Variants in CIT observed in about 807,000 individuals in gnomAD.
CIT encodes citron Rho-interacting kinase.
Under a neutral mutation model 272.7 loss-of-function variants are expected in CIT, and 79 were observed. The observed-to-expected ratio is 0.29, with a 90% CI of 0.24 to 0.35. CIT has a LOEUF of 0.35. Ranked by LOEUF, CIT falls within the 10% of genes least tolerant of loss-of-function variation. The pLI, the probability that CIT is intolerant of heterozygous loss-of-function variation, is 1.00. For synonymous variants in CIT, 948 were observed against 995.6 expected, an observed-to-expected ratio of 0.95 and a Z score of 0.90; for missense variants, 1,909 against 2,618.3, an observed-to-expected ratio of 0.73 and a Z score of 5.91.
At chr12:119,811,943 ATTTT>A (rs35887106) in intron 9 of CIT, among the ~76,000 whole-genome samples, 2,295 of 129,794 alleles carry the variant, frequency 0.018, 63 homozygotes, top group African/African-American at 0.062. Context: ...TTCCCCAGGA[ATTTT>A]TTTTTTTTTT....
chr12:119,799,293 T>A (rs937068354), intron 10 of CIT, among the ~76,000 whole-genome samples: 2 of 152,238 alleles, frequency 1.3e-5, no homozygotes, highest in Non-Finnish European at 2.9e-5. Context: ...GGCTTTTCCA[T>A]GTGCCAGGTA....
At position 119,869,069 on chromosome 12, in the gene CIT, C is replaced by A. The variant is rs1182491419; in HGVS notation, c.229G>T (p.Val77Phe). Reference sequence around the variant, plus strand: ...AGTTCCCCAAACTTACACTTCCGGACAAAGTTGCTCACGTGCTTAATCTTC... The same window carrying A: ...AGTTCCCCAAACTTACACTTCCGGAAAAAGTTGCTCACGTGCTTAATCTTC... ...LMKIKHVSNF[V>F]RKYSDTIAEL... is the part of the protein sequence containing the mutation. Residue 77 changes from valine (V) to phenylalanine (F), a missense_variant, in exon 3 of 48, where the codon GTC becomes TTC. By Grantham distance (50) the Val-to-Phe change is conservative. This residue lies in a region of CIT where 529 missense variants were observed against 549.6 expected (regional missense o/e 0.96). Transcript: ENST00000392521. 4 of 1,610,216 alleles carry A rather than the reference C, an allele frequency of 2.5e-6. No homozygotes were observed. Among genetic ancestry groups the A allele is most frequent in the Admixed American group, 1.7e-5 (1 of 58,294 alleles).
In CIT at chr12:119,857,598, C is replaced by A; in HGVS notation, c.339G>T (p.Val113=). ...TGTCCCCGGTTGCTTTCTCTCTTAC[C>A]ACCTGCACTTCAGCAAAGTGACCAC... The part of the protein sequence containing the change: ...VGCGHFAEVQ[V]VREKATGDIY... The change falls in exon 4 of 48, where the codon GTG becomes GTT. Residue 113 remains valine, a synonymous_variant. Transcript: ENST00000392521. The A allele has an allele frequency of 6.2e-7, 1 of 1,614,182 alleles. No individual in the cohort carries two copies. Among genetic ancestry groups the A allele is most frequent in the African/African-American group, 1.3e-5 (1 of 75,056 alleles).
intron 9 of CIT, among the ~76,000 whole-genome samples, chr12:119,818,588 G>A (rs974150797): frequency 6.6e-6 from 1 of 152,208 alleles, no homozygotes; most frequent in African/African-American, 2.4e-5. Context: ...GTCACTGCCG[G>A]ATGGAAACAA....
rs1414412064 is a variant in CIT at position 119,697,333 on chromosome 12, C to T, written c.5882+326G>A. Among the ~76,000 whole-genome samples, 1 of 152,210 alleles carries T rather than the reference C, an allele frequency of 6.6e-6. No individual in the cohort carries two copies. Among genetic ancestry groups the T allele is most frequent in the African/African-American group, 2.4e-5 (1 of 41,458 alleles). On this transcript the variant is annotated intron_variant, in intron 46 of 47. Coordinates refer to ENST00000392521, the MANE Select transcript of CIT (RefSeq NM_001206999.2). This position sits in a 1 kb window ranked among gnomAD's most constrained non-coding sequence, Gnocchi z 4.9. ...TTTATTCACCATTCTCCCTCCCCCA[C>T]AAGCCCAACAACTAGCACCGCAGAA...
chr12:119,759,415 G>A (rs1323531349), intron 20 of CIT, among the ~76,000 whole-genome samples: 1 of 152,216 alleles, frequency 6.6e-6, no homozygotes, highest in Non-Finnish European at 1.5e-5. Flanking sequence ...GGAGGCCAAG[G>A]CAGGTGGGTC....
rs60782728 is a variant in CIT at position 119,857,836 on chromosome 12, T to C, written c.239-138A>G. 0.028 allele frequency: 21,863 copies of C among 775,392 alleles called. 748 individuals are homozygous for C. The highest frequency in any genetic ancestry group is 0.11 in the African/African-American group (6,422 of 57,262). 48.0% of individuals were successfully genotyped at this position (775,392 alleles called of 1,614,324 possible). A position where few individuals can be genotyped will look rare whatever the true frequency, so the allele number is the denominator to read the frequency against. On this transcript the variant is annotated intron_variant, in intron 3 of 47. Coordinates refer to ENST00000392521, the MANE Select transcript of CIT (RefSeq NM_001206999.2). The stretch of plus-strand genomic sequence containing the variant: ...AAGACATTCACTTTCTCATCCATCA[T>C]GAATAATTATAAAATCAGTACAAAA...
chr12:119,761,867 T>C (rs1961842801), intron 19 of CIT, among the ~76,000 whole-genome samples: 1 of 152,176 alleles, frequency 6.6e-6, no homozygotes, highest in South Asian at 2.1e-4. Flanking sequence ...CTTGATCTAA[T>C]GTTCTTTGGG....
chr12:119,750,195 G>T (rs1007179678), intron 23 of CIT, among the ~76,000 whole-genome samples: 2 of 152,162 alleles, frequency 1.3e-5, no homozygotes, highest in African/African-American at 4.8e-5. Context: ...TATAATAGTG[G>T]TTGAAATTTA....
Position 119,772,812 on chromosome 12 carries a change from C to T in CIT, c.2040G>A (p.Glu680=). ...ERELEKLQNR[E]DSSEGIRKKL... ...TCTTTCTGATGCCTTCAGAAGAATC[C>T]TCTCGGTTCTGCAGCTTCTCCAGCT... The change falls in exon 17 of 48, where the codon GAG becomes GAA. Residue 680 remains glutamate, a synonymous_variant. Coordinates refer to ENST00000392521, the MANE Select transcript of CIT (RefSeq NM_001206999.2). The T allele has an allele frequency of 1.2e-6, 2 of 1,613,966 alleles. No homozygotes were observed. The highest frequency in any genetic ancestry group is 1.7e-6 in the Non-Finnish European group (2 of 1,179,976).
chr12:119,732,275 A>G (rs1025991954), intron 26 of CIT, among the ~76,000 whole-genome samples: 4 of 152,252 alleles, frequency 2.6e-5, no homozygotes, highest in Admixed American at 1.3e-4. Flanking sequence ...CAGACATGAA[A>G]TGAAAGCAGA....
Position 119,701,764 on chromosome 12 carries a change from G to A in CIT, c.5414-12C>T. Reference sequence around the variant, plus strand: ...CTTATCCAGGAATTCTGTAAAGGCAGGCGAGAAGCGGGGCTTCAGGAGTGA... The same window carrying A: ...CTTATCCAGGAATTCTGTAAAGGCAAGCGAGAAGCGGGGCTTCAGGAGTGA... On this transcript the variant is annotated splice_polypyrimidine_tract_variant and intron_variant, in intron 42 of 47. Transcript: ENST00000392521. The A allele has an allele frequency of 6.2e-7, 1 of 1,614,260 alleles. No individual in the cohort carries two copies. The highest frequency in any genetic ancestry group is 8.5e-7 in the Non-Finnish European group (1 of 1,180,040).
intron 46 of CIT, among the ~76,000 whole-genome samples, chr12:119,692,172 G>A (rs1955990475): frequency 6.6e-6 from 1 of 152,184 alleles, no homozygotes; most frequent in Non-Finnish European, 1.5e-5. Context: ...GAAAAAGCCG[G>A]GCACAGTGAT....
chr12:119,712,403 G>C lies in CIT; in HGVS notation c.4685-56C>G, dbSNP rs1402752712. 1.3e-5 allele frequency: 20 copies of C among 1,535,892 alleles called. No individual in the cohort carries two copies. In the East Asian group the frequency reaches 4.1e-4, roughly 31 times the overall value. On this transcript the variant is annotated intron_variant, in intron 36 of 47. Transcript: ENST00000392521. The surrounding 1 kb of genome is among the most constrained non-coding windows in gnomAD (Gnocchi z 5.2). Reference sequence around the variant, plus strand: ...TGTGGATTTCCCCCGTTCCCACTGGGAGGGACGGGCCTGAGAGATCAAAGA... The same window carrying C: ...TGTGGATTTCCCCCGTTCCCACTGGCAGGGACGGGCCTGAGAGATCAAAGA...
Position 119,803,217 on chromosome 12 carries a change from A to G in CIT, c.1284T>C (p.Leu428=). The G allele has an allele frequency of 6.5e-7, 1 of 1,543,596 alleles. No homozygotes were observed. Among genetic ancestry groups the G allele is most frequent in the Non-Finnish European group, 8.7e-7 (1 of 1,150,712 alleles). The change falls in exon 10 of 48, where the codon CTT becomes CTC. Residue 428 remains leucine, a synonymous_variant. Coordinates refer to ENST00000392521, the MANE Select transcript of CIT (RefSeq NM_001206999.2). ...GFSYSKALGI[L]GRSESVVSGL... ...AAATTTTCACTTACTCAGATCTACC[A>G]AGAATCCCCAGTGCCTTGCTGTACG...
intron 27 of CIT, 58 bp downstream of exon 27, chr12:119,730,437 C>T: frequency 3.3e-6 from 5 of 1,532,046 alleles, no homozygotes; most frequent in Non-Finnish European, 4.4e-6. Flanking sequence ...ATCAAGCGTG[C>T]CTTTAAAAGA....
chr12:119,764,123 C>T (rs1162770665), intron 19 of CIT, among the ~76,000 whole-genome samples: 2 of 152,092 alleles, frequency 1.3e-5, no homozygotes, highest in African/African-American at 2.4e-5. Flanking sequence ...TGAAAGCCCC[C>T]GACCACCCAC....
chr12:119,791,738 G>C (rs1375800551), intron 10 of CIT, among the ~76,000 whole-genome samples: 1 of 152,058 alleles, frequency 6.6e-6, no homozygotes, highest in Non-Finnish European at 1.5e-5. Context: ...TTTTTTTCCA[G>C]CTTCTATTTT....
intron 3 of CIT, among the ~76,000 whole-genome samples, chr12:119,861,124 A>G (rs1159747553): frequency 2.8e-5 from 4 of 142,004 alleles, no homozygotes; most frequent in Non-Finnish European, 1.5e-5. Flanking sequence ...CTGTCTCAGG[A>G]AAAAAAAAAA....
Sources: allele counts gnomAD v4.1 joint callset (sites outside exome capture counted in the v4.1 genomes callset), GRCh38; gene constraint gnomAD v4.1.1; regional missense constraint gnomAD v4.1.1; non-coding constraint Gnocchi (gnomAD v3.1); transcripts MANE v1.5; gene names NCBI Gene and HGNC (gene_info 2026-07-23, HGNC 2026-07-21).